MCM10: variants seen among roughly 807,000 people sequenced by gnomAD.
MCM10 encodes the protein protein MCM10 homolog.
A neutral mutation model predicts 109.9 loss-of-function variants in MCM10; 91 were observed. That is an observed-to-expected ratio of 0.83 (90% CI 0.70 to 0.99). The LOEUF (loss-of-function observed/expected upper bound fraction) is 0.99, where lower values mean the gene tolerates loss of function less well. Ranked by LOEUF, MCM10 falls within the 50% of genes least tolerant of loss-of-function variation. The pLI, the probability that MCM10 is intolerant of heterozygous loss-of-function variation, is 0.00. For synonymous variants in MCM10, 380 were observed against 387.2 expected, an observed-to-expected ratio of 0.98 and a Z score of 0.22; for missense variants, 1,077 against 1,061.2, an observed-to-expected ratio of 1.01 and a Z score of -0.21.
intron 15 of MCM10, 112 bp from the exon 16 acceptor site, chr10:13,198,577 T>G: frequency 1.4e-6 from 1 of 716,292 alleles, no homozygotes; most frequent in Non-Finnish European, 2.4e-6. Flanking sequence ...TAGGTCAAGT[T>G]TGAAGGGCTG....
chr10:13,194,272 A>G (rs1408029018), intron 13 of MCM10, among the ~76,000 whole-genome samples: 1 of 152,196 alleles, frequency 6.6e-6, no homozygotes, highest in East Asian at 1.9e-4. Context: ...CTGAGGTGGG[A>G]GGATCACCTG....
At chr10:13,209,053 C>T (rs1484014074) in intron 18 of MCM10, 38 bp from the exon 19 acceptor site, 5 of 1,542,082 alleles carry the variant, frequency 3.2e-6, no homozygotes, top group South Asian at 2.2e-5. Context: ...AGTGGGCCTA[C>T]ACCACCCTGC....
intron 17 of MCM10, among the ~76,000 whole-genome samples, chr10:13,203,493 A>G (rs1452907597): frequency 1.3e-5 from 2 of 151,966 alleles, no homozygotes; most frequent in Non-Finnish European, 2.9e-5. Context: ...ACACACTCAC[A>G]GTTTCGGGGA....
intron 6 of MCM10, among the ~76,000 whole-genome samples, chr10:13,178,223 G>A (rs1195033407): frequency 6.6e-6 from 1 of 152,132 alleles, no homozygotes; most frequent in Non-Finnish European, 1.5e-5. Flanking sequence ...AGCCTCCCGA[G>A]TAGCTCAGAC....
intron 17 of MCM10, chr10:13,201,792 T>G: frequency 2.3e-6 from 1 of 427,340 alleles, no homozygotes; most frequent in Non-Finnish European, 4.3e-6. Flanking sequence ...GGTCCTAACA[T>G]CTCTTGCCCT....
At chr10:13,208,095 C>G (rs1369753335) in intron 18 of MCM10, among the ~76,000 whole-genome samples, 1 of 152,138 alleles carries the variant, frequency 6.6e-6, no homozygotes, top group South Asian at 2.1e-4. Context: ...AAAACTAGAG[C>G]AAGAAGGGCT....
chr10:13,208,467 C>T (rs746426297), intron 18 of MCM10, among the ~76,000 whole-genome samples: 1 of 149,690 alleles, frequency 6.7e-6, no homozygotes, highest in Non-Finnish European at 1.5e-5. Context: ...CAGTGGCTCA[C>T]GCCCGTAATC....
intron 5 of MCM10, among the ~76,000 whole-genome samples, chr10:13,174,593 T>C (rs1339922252): frequency 6.6e-6 from 1 of 152,212 alleles, no homozygotes; most frequent in East Asian, 1.9e-4. Flanking sequence ...ACTAGCCACC[T>C]GTGGATATTT....
intron 16 of MCM10, among the ~76,000 whole-genome samples, chr10:13,200,744 G>C (rs1048791106): frequency 1.3e-5 from 2 of 152,274 alleles, no homozygotes; most frequent in Admixed American, 6.5e-5. Context: ...AATACCTTGT[G>C]TATGTGGAGT....
At chr10:13,194,939 C>T (rs1306853666) in intron 13 of MCM10, 102 bp from the exon 14 acceptor site, 3 of 998,580 alleles carry the variant, frequency 3.0e-6, no homozygotes, top group African/African-American at 3.2e-5. Flanking sequence ...ACAACTAGCT[C>T]CCAACTGGTG....
In MCM10 at chr10:13,181,151, C is replaced by G. The variant is rs556018784; in HGVS notation, c.930+544C>G. Among the ~76,000 whole-genome samples, 5 of 152,162 alleles carry G rather than the reference C, an allele frequency of 3.3e-5. No individual in the cohort carries two copies. The South Asian group carries it at 1.0e-3, about 32-fold the overall frequency. On this transcript the variant is annotated intron_variant, in intron 7 of 19. Coordinates refer to ENST00000378714, the MANE Select transcript of MCM10 (RefSeq NM_018518.5). ...CAAGTCAGATAGCCTGTCTTCTAAG[C>G]CTTGTGCCTTTAACTAGCGATGTTA... is the stretch of plus-strand genomic sequence containing the variant.
In MCM10 at chr10:13,195,050, G is replaced by A; in HGVS notation, c.1755G>A (p.Gln585=). The part of the protein sequence containing the change: ...KSEEIQKRFL[Q]SSSEVESPAV... Reference sequence around the variant, plus strand: ...TGTATGTTCTTTAAAGATTTCTGCAGAGCTCAAGTGAAGTTGAGAGCCCAG... The same window carrying A: ...TGTATGTTCTTTAAAGATTTCTGCAAAGCTCAAGTGAAGTTGAGAGCCCAG... The change falls in exon 14 of 20, where the codon CAG becomes CAA. Residue 585 remains glutamine (Q), a synonymous_variant. Coordinates refer to ENST00000378714, the MANE Select transcript of MCM10 (RefSeq NM_018518.5). 6.2e-7 allele frequency: 1 copy of A among 1,613,404 alleles called. No individual in the cohort carries two copies. The highest frequency in any genetic ancestry group is 8.5e-7 in the Non-Finnish European group (1 of 1,179,650).
intron 5 of MCM10, among the ~76,000 whole-genome samples, chr10:13,173,881 A>G (rs1834107308): frequency 6.6e-6 from 1 of 152,170 alleles, no homozygotes; most frequent in African/African-American, 2.4e-5. Flanking sequence ...GAGAGCAGTG[A>G]TCCAAAGTCC....
chr10:13,204,998 GTATGTATATATATATATA>G (rs1409683483), intron 18 of MCM10, among the ~76,000 whole-genome samples: 630 of 19,534 alleles, frequency 0.032, 21 homozygotes, highest in African/African-American at 0.073. Context: ...ATGTATGTAT[GTATGTATATATATATATA>G]TATATATATA....
intron 1 of MCM10, among the ~76,000 whole-genome samples, chr10:13,162,288 A>T (rs1833936979): frequency 6.6e-6 from 1 of 152,154 alleles, no homozygotes; most frequent in African/African-American, 2.4e-5. Flanking sequence ...TTGGAAAGAG[A>T]GAGAGAATAT....
chr10:13,195,006 C>A (rs1479882552), intron 13 of MCM10, 35 bp from the exon 14 acceptor site: 8 of 1,581,204 alleles, frequency 5.1e-6, no homozygotes, highest in African/African-American at 1.4e-5. Context: ...TTTCGTAAAC[C>A]CTGTTTGCGT....
In MCM10 at chr10:13,197,678, C is replaced by G; in HGVS notation, c.2030C>G (p.Pro677Arg). Residue 677 changes from proline (P) to arginine (R), a missense_variant, in exon 15 of 20, where the codon CCA becomes CGA. Pro to Arg is a moderately radical substitution (Grantham distance 103, BLOSUM62 -2). Transcript: ENST00000378714. The stretch of plus-strand genomic sequence containing the variant: ...GGCCAGGTTCTTACAAAAACAAACC[C>G]AAACAGCATTAAGAAGAAACAAAAG... ...AKGQVLTKTN[P>R]NSIKKKQKDP... The G allele has an allele frequency of 6.2e-7, 1 of 1,613,972 alleles. No individual in the cohort carries two copies. Among genetic ancestry groups the G allele is most frequent in the Non-Finnish European group, 8.5e-7 (1 of 1,179,982 alleles).
chr10:13,188,241 T>C (rs538848420), intron 9 of MCM10, among the ~76,000 whole-genome samples: 28 of 152,320 alleles, frequency 1.8e-4, no homozygotes, highest in African/African-American at 6.7e-4. Context: ...ATAGCACTTG[T>C]CCGAGGATCA....
At chr10:13,173,486 A>G (rs1399763361) in intron 5 of MCM10, among the ~76,000 whole-genome samples, 1 of 152,228 alleles carries the variant, frequency 6.6e-6, no homozygotes, top group African/African-American at 2.4e-5. Flanking sequence ...ACACACATGT[A>G]TATGCACAAA....
Sources: allele counts gnomAD v4.1 joint callset (sites outside exome capture counted in the v4.1 genomes callset), GRCh38; gene constraint gnomAD v4.1.1; transcripts MANE v1.5; gene names NCBI Gene and HGNC (gene_info 2026-07-23, HGNC 2026-07-21).